ATP8A2: variants seen among roughly 807,000 people sequenced by gnomAD.
ATP8A2 encodes the protein ATPase phospholipid transporting 8A2.
A neutral mutation model predicts 165.6 loss-of-function variants in ATP8A2; 100 were observed. That is an observed-to-expected ratio of 0.60 (90% CI 0.51 to 0.71). The LOEUF is 0.71. Among genes scored for constraint, ATP8A2 ranks in the 30% least tolerant of loss-of-function variants. The pLI is 0.00. For synonymous variants in ATP8A2, 543 were observed against 548.8 expected (o/e 0.99, Z 0.15); for missense variants, 1,227 against 1,479.5 (o/e 0.83, Z 2.80).
At chr13:25,995,107 A>C (rs1484661117) in intron 35 of ATP8A2, among the ~76,000 whole-genome samples, 1 of 151,966 alleles carries the variant, frequency 6.6e-6, no homozygotes, top group African/African-American at 2.4e-5. Flanking sequence ...TGTCAAACAC[A>C]TGTGTAGAAT....
chr13:25,723,383 A>G (rs1246055085), intron 25 of ATP8A2, among the ~76,000 whole-genome samples: 2 of 152,138 alleles, frequency 1.3e-5, no homozygotes, highest in East Asian at 3.9e-4. Context: ...CTCTAACTTT[A>G]TACTTTTCTT....
chr13:25,862,076 C>T lies in ATP8A2; in HGVS notation c.3076-225C>T, dbSNP rs528449702. Among the ~76,000 whole-genome samples the T allele has an allele frequency of 9.9e-5, 15 of 152,150 alleles. No homozygotes were observed. In the South Asian group the frequency reaches 3.1e-3, roughly 32 times the overall value. ...AAGGTCACCTGTGACAGCAAAAGCACCTTCATCTTCAGGGTACTTTGGGGC... is the reference window on the plus strand; with the variant it reads ...AAGGTCACCTGTGACAGCAAAAGCATCTTCATCTTCAGGGTACTTTGGGGC... On this transcript the variant is annotated intron_variant, in intron 32 of 36. Coordinates refer to ENST00000381655, the MANE Select transcript of ATP8A2 (RefSeq NM_016529.6).
chr13:25,487,908 A>G (rs982797601), intron 2 of ATP8A2, among the ~76,000 whole-genome samples: 5 of 152,172 alleles, frequency 3.3e-5, no homozygotes, highest in Non-Finnish European at 7.3e-5. Context: ...GGAACAAAAC[A>G]TAACAAGTAC....
At chr13:25,689,053 G>C (rs1360270767) in intron 24 of ATP8A2, among the ~76,000 whole-genome samples, 1 of 152,186 alleles carries the variant, frequency 6.6e-6, no homozygotes, top group Non-Finnish European at 1.5e-5. Context: ...AAGAGTCAAA[G>C]GGACTTTAGA....
rs768070583 is a variant in ATP8A2 at position 25,661,131 on chromosome 13, A to G, written c.2212-38042A>G. ...GTGGGTATGGTATTTAGATTCCTCT[A>G]TTGGAATGCAGGTTCCTTGAAGCTC... is the stretch of plus-strand genomic sequence containing the variant. On this transcript the variant is annotated intron_variant, in intron 24 of 36. Transcript: ENST00000381655. 2.2e-4 allele frequency among the ~76,000 whole-genome samples: 34 copies of G among 152,288 alleles called. 1 individual carries two copies. The highest frequency in any genetic ancestry group is 7.7e-4 in the East Asian group (4 of 5,188).
chr13:25,468,829 G>C (rs770477004), intron 1 of ATP8A2, 148 bp from the exon 2 acceptor site: 12 of 1,309,360 alleles, frequency 9.2e-6, no homozygotes, highest in Non-Finnish European at 1.2e-5. Flanking sequence ...GGCGTCTCCA[G>C]GGGGAGCCAA....
intron 33 of ATP8A2, among the ~76,000 whole-genome samples, chr13:25,907,978 T>C (rs1953992702): frequency 6.6e-6 from 1 of 152,222 alleles, no homozygotes; most frequent in South Asian, 2.1e-4. Flanking sequence ...TCCTGTTGGA[T>C]TGCTTGTTCA....
At chr13:25,612,747 C>G (rs927342795) in intron 24 of ATP8A2, among the ~76,000 whole-genome samples, 4 of 152,064 alleles carry the variant, frequency 2.6e-5, no homozygotes, top group African/African-American at 9.7e-5. Flanking sequence ...GAAGTCGCCA[C>G]TATTATTGTG....
intron 1 of ATP8A2, among the ~76,000 whole-genome samples, chr13:25,429,262 C>T (rs899314987): frequency 7.3e-5 from 11 of 150,502 alleles, no homozygotes; most frequent in African/African-American, 1.2e-4. Flanking sequence ...CTTAGCAACT[C>T]GGGAGGCTGA....
intron 9 of ATP8A2, 80 bp downstream of exon 9, chr13:25,542,126 C>A: frequency 7.2e-7 from 1 of 1,393,892 alleles, no homozygotes; most frequent in Non-Finnish European, 9.9e-7. Flanking sequence ...TGTTTGTTTC[C>A]TAGTTTTGTA....
At chr13:25,389,983 C>CTTTTGTTTTG (rs59233777) in intron 1 of ATP8A2, among the ~76,000 whole-genome samples, 42,872 of 151,082 alleles carry the variant, frequency 0.28, 6,492 homozygotes, top group South Asian at 0.38. Context: ...AATTTTTTGC[C>CTTTTGTTTTG]TTTTGTTTTG....
intron 27 of ATP8A2, among the ~76,000 whole-genome samples, chr13:25,791,485 A>G (rs1459268957): frequency 4.6e-5 from 7 of 151,374 alleles, no homozygotes; most frequent in African/African-American, 1.5e-4. Context: ...CCATGACACA[A>G]GTTTACCTAT....
At chr13:25,514,863 G>A (rs578048481) in intron 2 of ATP8A2, among the ~76,000 whole-genome samples, 9 of 152,258 alleles carry the variant, frequency 5.9e-5, no homozygotes, top group African/African-American at 2.2e-4. Flanking sequence ...AATGCACTGG[G>A]CTTGTGCCTG....
chr13:25,592,235 G>T lies in ATP8A2; in HGVS notation c.2211+2536G>T, dbSNP rs2040104275. 2.0e-5 allele frequency among the ~76,000 whole-genome samples: 3 copies of T among 149,810 alleles called. No individual in the cohort carries two copies. The South Asian group carries it at 6.3e-4, about 31-fold the overall frequency. On this transcript the variant is annotated intron_variant, in intron 24 of 36. Coordinates refer to ENST00000381655, the MANE Select transcript of ATP8A2 (RefSeq NM_016529.6). ...TTTTTTCAGTGTTATGACATAATTT[G>T]TATTTTTTCTACCTCCCTTTAGTCC... is the stretch of plus-strand genomic sequence containing the variant.
chr13:25,670,502 A>G (rs886264522), intron 24 of ATP8A2, among the ~76,000 whole-genome samples: 24 of 152,184 alleles, frequency 1.6e-4, no homozygotes, highest in African/African-American at 5.8e-4. Context: ...GTTTACTAAT[A>G]TTTGCTAAAA....
chr13:25,713,679 G>A (rs934848530), intron 25 of ATP8A2, among the ~76,000 whole-genome samples: 5 of 152,132 alleles, frequency 3.3e-5, no homozygotes, highest in African/African-American at 9.7e-5. Flanking sequence ...AGGTCACTTC[G>A]TGTTCTTGAG....
chr13:25,626,718 G>A lies in ATP8A2; in HGVS notation c.2211+37019G>A, dbSNP rs539531352. ...TAGTGTATTAGTCTGTTTTCACACC[G>A]CGGATAAAGACATACCTGAGACTCG... On this transcript the variant is annotated intron_variant, in intron 24 of 36. Transcript: ENST00000381655. Among the ~76,000 whole-genome samples the A allele has an allele frequency of 1.4e-4, 22 of 152,166 alleles. No individual in the cohort carries two copies. In the South Asian group the frequency reaches 1.7e-3, roughly 11 times the overall value.
chr13:25,741,209 A>G (rs915272656), intron 25 of ATP8A2, among the ~76,000 whole-genome samples: 1 of 152,226 alleles, frequency 6.6e-6, no homozygotes, highest in African/African-American at 2.4e-5. Flanking sequence ...AGCACTGGAT[A>G]TAAGTCCTGC....
intron 1 of ATP8A2, among the ~76,000 whole-genome samples, chr13:25,399,978 G>A (rs1445390733): frequency 4.7e-5 from 7 of 147,776 alleles, no homozygotes; most frequent in Admixed American, 2.0e-4. Context: ...TTCCTTTTTT[G>A]AGGAAGCCAT....
Sources: gnomAD v4.1 joint callset for allele counts (sites outside exome capture counted in the v4.1 genomes callset) on GRCh38, gnomAD v4.1.1 for gene constraint, MANE v1.5 for transcripts, NCBI Gene and HGNC (gene_info 2026-07-23, HGNC 2026-07-21) for gene names.